The following CPS1 variants were observed in gnomAD, a reference collection of about 807,000 sequenced individuals.
The protein encoded by CPS1 is carbamoyl-phosphate synthase 1.
A neutral mutation model predicts 174.6 loss-of-function variants in CPS1; 109 were observed. The ratio of observed to expected loss-of-function variants is 0.62; its 90% CI spans 0.53 to 0.73. The LOEUF (loss-of-function observed/expected upper bound fraction) is 0.73. Ranked by LOEUF, CPS1 falls within the 30% of genes least tolerant of loss-of-function variation. The probability of loss-of-function intolerance (pLI) is 0.00; values close to 1 mark genes in which losing one functional copy is unlikely to be tolerated. For missense variants in CPS1, 1,689 were observed against 1,821.9 expected (o/e 0.93, Z 1.33); for synonymous variants, 637 against 632.0 (o/e 1.01, Z -0.12).
intron 21 of CPS1, 117 bp downstream of exon 21, chr2:210,616,658 T>C: frequency 1.3e-6 from 1 of 779,286 alleles, no homozygotes; most frequent in Non-Finnish European, 2.3e-6. Context: ...GATAGTGCCA[T>C]TGTTGGAAAA....
chr2:210,587,518 C>CT (rs760508482), intron 6 of CPS1, among the ~76,000 whole-genome samples: 13 of 152,098 alleles, frequency 8.5e-5, no homozygotes, highest in Middle Eastern at 3.4e-3. Context: ...GCACGGCAAC[C>CT]TAAAGGGACT....
chr2:210,643,221 GT>G (rs1209994810), intron 25 of CPS1, among the ~76,000 whole-genome samples: 1 of 152,116 alleles, frequency 6.6e-6, no homozygotes, highest in South Asian at 2.1e-4. Flanking sequence ...TTCACTTACA[GT>G]TGTTCCTCCA....
At chr2:210,653,344 G>A (rs1035182210) in intron 28 of CPS1, among the ~76,000 whole-genome samples, 3 of 152,082 alleles carry the variant, frequency 2.0e-5, no homozygotes, top group African/African-American at 4.8e-5. Context: ...AGGGCATCCC[G>A]ACCCTGACAT....
chr2:210,583,454 A>T (rs920243936), intron 6 of CPS1, among the ~76,000 whole-genome samples: 1 of 152,102 alleles, frequency 6.6e-6, no homozygotes, highest in Non-Finnish European at 1.5e-5. Context: ...CTGCAAGGGC[A>T]TGCATGGGGC....
chr2:210,611,528 T>C (rs1699120031), intron 19 of CPS1, among the ~76,000 whole-genome samples: 1 of 150,750 alleles, frequency 6.6e-6, no homozygotes, highest in African/African-American at 2.4e-5. Flanking sequence ...GCTGTAAAGA[T>C]TGTGGAAAGA....
rs1698749883 is a variant in CPS1 at position 210,602,199 on chromosome 2, C to A, written c.1708-3C>A. The A allele has an allele frequency of 6.2e-7, 1 of 1,612,004 alleles. No homozygotes were observed. ...AATGTTGAGTCCTTGTTCTTGTTGA[C>A]AGATTGAGGATGCACTGAAGGCAGC... On this transcript the variant is annotated splice_polypyrimidine_tract_variant and splice_region_variant and intron_variant, in intron 15 of 37. Coordinates refer to ENST00000233072, the MANE Select transcript of CPS1 (RefSeq NM_001875.5).
At chr2:210,484,967 G>A (rs1247530891) in intron 1 of CPS1, among the ~76,000 whole-genome samples, 5 of 151,592 alleles carry the variant, frequency 3.3e-5, no homozygotes, top group African/African-American at 7.3e-5. Context: ...GGTGGCTCAC[G>A]CCTGTAATCC....
Position 210,502,413 on chromosome 2 carries a change from TAA to T in CPS1, c.3+24648_3+24649del, listed in dbSNP as rs1695164452. Among the ~76,000 whole-genome samples, 5 of 146,352 alleles carry T rather than the reference TAA, an allele frequency of 3.4e-5. No homozygotes were observed. In the South Asian group the frequency reaches 6.3e-4, roughly 19 times the overall value. On this transcript the variant is annotated intron_variant, in intron 1 of 38. Transcript: ENST00000430249. The stretch of plus-strand genomic sequence containing the variant: ...TATATATGTATATTTTATATATATA[TAA>T]TATATATATAAAAGAGAGATATAGA...
chr2:210,586,016 C>T (rs992766406), intron 6 of CPS1, among the ~76,000 whole-genome samples: 4 of 151,490 alleles, frequency 2.6e-5, no homozygotes, highest in African/African-American at 9.7e-5. Context: ...GGAAGAGTTC[C>T]AGCGTGAGAG....
chr2:210,533,055 G>A lies in CPS1; in HGVS notation c.4-23664G>A, dbSNP rs150718777. 2.2e-4 allele frequency among the ~76,000 whole-genome samples: 34 copies of A among 152,140 alleles called. No individual in the cohort carries two copies. In the East Asian group the frequency reaches 4.1e-3, roughly 18 times the overall value. On this transcript the variant is annotated intron_variant, in intron 1 of 38. Transcript: ENST00000430249. ...AATGTGGGGAAGAGCAACGGTGAGC[G>A]GGGAGGGAAGTCGCTTTACAGGTGT... is the stretch of plus-strand genomic sequence containing the variant.
chr2:210,549,456 C>T (rs1291551592), intron 1 of CPS1, among the ~76,000 whole-genome samples: 1 of 151,864 alleles, frequency 6.6e-6, no homozygotes, highest in Non-Finnish European at 1.5e-5. Context: ...CATATTTAGA[C>T]CAAGTTATAA....
intron 33 of CPS1, among the ~76,000 whole-genome samples, chr2:210,666,900 C>G (rs1294600644): frequency 1.3e-5 from 2 of 152,124 alleles, no homozygotes; most frequent in Non-Finnish European, 2.9e-5. Context: ...GGCATTGAAT[C>G]TATAAATTAC....
intron 1 of CPS1, among the ~76,000 whole-genome samples, chr2:210,539,583 T>C (rs1696348308): frequency 6.6e-6 from 1 of 152,134 alleles, no homozygotes; most frequent in East Asian, 1.9e-4. Context: ...CTTACCCTAT[T>C]CCTCTTCAAG....
chr2:210,661,614 A>G (rs1474653962), intron 32 of CPS1, among the ~76,000 whole-genome samples: 1 of 152,164 alleles, frequency 6.6e-6, no homozygotes, highest in African/African-American at 2.4e-5. Context: ...CTTGAATTTT[A>G]TAGTGCATTG....
chr2:210,584,677 C>G (rs1468031069), intron 6 of CPS1, among the ~76,000 whole-genome samples: 2 of 151,930 alleles, frequency 1.3e-5, no homozygotes, highest in Non-Finnish European at 2.9e-5. Flanking sequence ...GCAAGTAAGT[C>G]TATTTAAAAT....
chr2:210,510,099 A>G (rs1040034539), intron 1 of CPS1, among the ~76,000 whole-genome samples: 2 of 152,318 alleles, frequency 1.3e-5, no homozygotes, highest in Admixed American at 1.3e-4. Context: ...ACAAAGCTGG[A>G]GGCATCACAC....
intron 1 of CPS1, among the ~76,000 whole-genome samples, chr2:210,501,659 A>G (rs1244189711): frequency 1.3e-5 from 2 of 152,118 alleles, no homozygotes; most frequent in African/African-American, 2.4e-5. Context: ...CCTCATCTCT[A>G]TCTGAGACCA....
chr2:210,623,124 G>C (rs1198435572), intron 21 of CPS1, among the ~76,000 whole-genome samples: 1 of 151,968 alleles, frequency 6.6e-6, no homozygotes, highest in Non-Finnish European at 1.5e-5. Flanking sequence ...GCTTGTTCTT[G>C]TGCATTCCAT....
intron 19 of CPS1, 53 bp downstream of exon 19, chr2:210,608,612 A>G: frequency 6.4e-7 from 1 of 1,562,232 alleles, no homozygotes; most frequent in Non-Finnish European, 8.8e-7. Flanking sequence ...ATTTTGTTAA[A>G]TTTGTGACAC....
Sources: gnomAD v4.1 joint callset for allele counts (sites outside exome capture counted in the v4.1 genomes callset) on GRCh38, gnomAD v4.1.1 for gene constraint, MANE v1.5 for transcripts, NCBI Gene and HGNC (gene_info 2026-07-23, HGNC 2026-07-21) for gene names.